The following PMP2 variants were observed in gnomAD, a reference collection of about 807,000 sequenced individuals.
The protein encoded by PMP2 is myelin P2 protein.
Under a neutral mutation model 15.9 loss-of-function variants are expected in PMP2, and 11 were observed. That is an observed-to-expected ratio of 0.69 (90% CI 0.44 to 1.14). The LOEUF is 1.14. PMP2 is among the 50% of genes most tolerant of loss of function. The probability of loss-of-function intolerance (pLI) is 0.00; values close to 1 mark genes in which losing one functional copy is unlikely to be tolerated. For synonymous variants in PMP2, 55 were observed against 54.1 expected, an observed-to-expected ratio of 1.02 and a Z score of -0.07; for missense variants, 151 against 154.0, an observed-to-expected ratio of 0.98 and a Z score of 0.10.
Position 81,443,133 on chromosome 8 carries a change from G to A in PMP2, c.*265C>T. 3.1e-6 allele frequency: 1 copy of A among 320,904 alleles called. No homozygotes were observed. Among genetic ancestry groups the A allele is most frequent in the Non-Finnish European group, 5.6e-6 (1 of 178,336 alleles). 19.9% of individuals were successfully genotyped at this position (320,904 alleles called of 1,614,324 possible). On this transcript the variant is annotated 3_prime_UTR_variant, in exon 4 of 4. Coordinates refer to ENST00000256103, the MANE Select transcript of PMP2 (RefSeq NM_002677.5). ...AGTATACAAAGTTCAACATAGATTAGAATTTTGTAGTTAATTGAATGACAT... is the reference window on the plus strand; with the variant it reads ...AGTATACAAAGTTCAACATAGATTAAAATTTTGTAGTTAATTGAATGACAT...
At chr8:81,443,897 A>T (rs1807398643) in intron 3 of PMP2, among the ~76,000 whole-genome samples, 1 of 152,144 alleles carries the variant, frequency 6.6e-6, no homozygotes, top group African/African-American at 2.4e-5. Context: ...AGAAAGAAAC[A>T]TTCGGAAGAG....
intron 3 of PMP2, among the ~76,000 whole-genome samples, chr8:81,443,789 G>A (rs1230876993): frequency 6.6e-6 from 1 of 152,052 alleles, no homozygotes; most frequent in Non-Finnish European, 1.5e-5. Context: ...CCTCCCCCAA[G>A]AGATTTACAT....
intron 2 of PMP2, 50 bp downstream of exon 2, chr8:81,444,767 C>T: frequency 6.5e-7 from 1 of 1,543,604 alleles, no homozygotes; most frequent in Non-Finnish European, 8.9e-7. Flanking sequence ...ATATTCCTCT[C>T]TCTCAAGCAG....
intron 3 of PMP2, among the ~76,000 whole-genome samples, chr8:81,443,981 C>A (rs918375127): frequency 9.2e-5 from 14 of 151,752 alleles, no homozygotes; most frequent in African/African-American, 3.4e-4. Context: ...AAAAAAAAAT[C>A]ATCAAAGGTC....
chr8:81,446,080 A>T, intron 1 of PMP2, among the ~76,000 whole-genome samples: 1 of 152,234 alleles, frequency 6.6e-6, no homozygotes, highest in East Asian at 1.9e-4. Context: ...AGTTAAAAAG[A>T]TCTCAAACTT....
At chr8:81,443,480 C>G in intron 3 of PMP2, 32 bp from the exon 4 acceptor site, 1 of 1,395,186 alleles carries the variant, frequency 7.2e-7, no homozygotes, top group Non-Finnish European at 9.9e-7. Flanking sequence ...TTGAGTATCT[C>G]AAGTTCAAAC....
rs1807390625 is a variant in PMP2, at chr8:81,443,421, T to C, written c.376A>G (p.Thr126Ala). The part of the protein sequence containing the change: ...AECKMKGVVC[T>A]RIYEKV ...TTTCAGACCTTCTCATAGATTCTGGTGCACACCACGCCCTTCATTTTACAT... is the reference window on the plus strand; with the variant it reads ...TTTCAGACCTTCTCATAGATTCTGGCGCACACCACGCCCTTCATTTTACAT... Residue 126 changes from threonine (T) to alanine (A), a missense_variant, in exon 4 of 4, where the codon ACC becomes GCC. Thr to Ala is a moderately conservative substitution (Grantham distance 58). Transcript: ENST00000256103. 1 of 1,603,108 alleles carries C rather than the reference T, an allele frequency of 6.2e-7. No homozygotes were observed. Among genetic ancestry groups the C allele is most frequent in the Non-Finnish European group, 8.5e-7 (1 of 1,174,258 alleles).
Position 81,440,948 on chromosome 8 carries a change from G to T in PMP2, c.*2450C>A, listed in dbSNP as rs1807318143. The stretch of plus-strand genomic sequence containing the variant: ...TGACTGTCTATATTCCAATTTGCCA[G>T]TTGACCTAACATTGTCCTTTGGAGC... On this transcript the variant is annotated 3_prime_UTR_variant, in exon 4 of 4. Transcript: ENST00000256103. 6.6e-6 allele frequency: 1 copy of T among 152,164 alleles called. No homozygotes were observed. Among genetic ancestry groups the T allele is most frequent in the South Asian group, 2.1e-4 (1 of 4,836 alleles). The allele number at this position is 152,164 out of a possible 1,614,324, so 9.4% of individuals were successfully genotyped here. A position where few individuals can be genotyped will look rare whatever the true frequency, so the allele number is the denominator to read the frequency against.
At position 81,444,696 on chromosome 8, in the gene PMP2, A is replaced by C. The variant is rs187549617; in HGVS notation, c.247-95T>G. 2.0e-4 allele frequency: 271 copies of C among 1,322,972 alleles called. No homozygotes were observed. The African/African-American group carries it at 3.8e-3, about 18-fold the overall frequency. The allele number at this position is 1,322,972 out of a possible 1,614,324, so 82.0% of individuals were successfully genotyped here. On this transcript the variant is annotated intron_variant, in intron 2 of 3. Transcript: ENST00000256103. ...GGAACCATTTTCATAATAGATATAG[A>C]TGTCTCAGGAGGTACACTCCTTTTC...
Position 81,441,233 on chromosome 8 carries a change from A to G in PMP2, c.*2165T>C, listed in dbSNP as rs1437792807. Reference sequence around the variant, plus strand: ...CCCTTTATTGGTGAGGTTAATTTTGATAACCTAGTCAAGAGGTTGTCCATT... The same window carrying G: ...CCCTTTATTGGTGAGGTTAATTTTGGTAACCTAGTCAAGAGGTTGTCCATT... On this transcript the variant is annotated 3_prime_UTR_variant, in exon 4 of 4. Transcript: ENST00000256103. The G allele has an allele frequency of 1.3e-5, 2 of 151,516 alleles. No homozygotes were observed. Among genetic ancestry groups the G allele is most frequent in the Non-Finnish European group, 2.9e-5 (2 of 67,908 alleles). 9.4% of individuals were successfully genotyped at this position (151,516 alleles called of 1,614,324 possible).
In PMP2 at chr8:81,447,412, T is replaced by C. The variant is rs1246630950; in HGVS notation, c.-26A>G. The C allele has an allele frequency of 6.3e-7, 1 of 1,586,776 alleles. No homozygotes were observed. The highest frequency in any genetic ancestry group is 1.1e-5 in the South Asian group (1 of 90,494). On this transcript the variant is annotated 5_prime_UTR_variant, in exon 1 of 4. Transcript: ENST00000256103. ...CGTGATGGGTGAGAGCTCAACACAG[T>C]TCTAAGTGGGATTCAGAAGACTCAG...
rs1807321931 is a variant in PMP2 at position 81,441,115 on chromosome 8, G to T, written c.*2283C>A. 6.6e-6 allele frequency: 1 copy of T among 151,942 alleles called. No individual in the cohort carries two copies. The highest frequency in any genetic ancestry group is 2.4e-5 in the African/African-American group (1 of 41,378). 9.4% of individuals were successfully genotyped at this position (151,942 alleles called of 1,614,324 possible). ...GACATTGACATTTTTGAAGAATTCA[G>T]TCAAAACCCCCTGTCGTTTCTGGTT... On this transcript the variant is annotated 3_prime_UTR_variant, in exon 4 of 4. Transcript: ENST00000256103.
In PMP2 at chr8:81,444,379, A is replaced by T. The variant is rs140862794; in HGVS notation, c.348+121T>A. Reference sequence around the variant, plus strand: ...AAATATCACTGAAGCATTAACTCTTACTTTATTCTTAGTCATTTTTATCCA... The same window carrying T: ...AAATATCACTGAAGCATTAACTCTTTCTTTATTCTTAGTCATTTTTATCCA... On this transcript the variant is annotated intron_variant, in intron 3 of 3. Coordinates refer to ENST00000256103, the MANE Select transcript of PMP2 (RefSeq NM_002677.5). The T allele has an allele frequency of 4.9e-4, 309 of 636,224 alleles. 2 individuals are homozygous for T. Among genetic ancestry groups the T allele is most frequent in the African/African-American group, 4.6e-3 (250 of 54,780 alleles). The allele number at this position is 636,224 out of a possible 1,614,324, so 39.4% of individuals were successfully genotyped here.
rs375558516 is a variant in PMP2, at chr8:81,444,906, G to C, written c.157C>G (p.Arg53Gly). 5 of 1,613,154 alleles carry C rather than the reference G, an allele frequency of 3.1e-6. No homozygotes were observed. The African/African-American group carries it at 4.0e-5, about 13-fold the overall frequency. ...GTATTTTTAAAGGTACTTTCAGTTC[G>C]TATAGTTATAATATCTCCTTTCTTG... ...ISKKGDIITI[R>G]TESTFKNTEI... is the part of the protein sequence containing the mutation. The change falls in exon 2 of 4, where the codon CGA (arginine) becomes GGA (glycine). Residue 53 changes from arginine (R) to glycine (G), a missense_variant. Physicochemically the swap from Arg to Gly is moderately radical, Grantham distance 125 (BLOSUM62 -2). Coordinates refer to ENST00000256103, the MANE Select transcript of PMP2 (RefSeq NM_002677.5).
At chr8:81,445,024 C>T (rs777143076) in intron 1 of PMP2, 35 bp from the exon 2 acceptor site, 2 of 1,585,710 alleles carry the variant, frequency 1.3e-6, no homozygotes, top group Admixed American at 3.4e-5. Context: ...TTATGTTGAC[C>T]AAGAGAGCAT....
rs1807305895 is a variant in PMP2, at chr8:81,440,447, G to A, written c.*2951C>T. On this transcript the variant is annotated 3_prime_UTR_variant, in exon 4 of 4. Coordinates refer to ENST00000256103, the MANE Select transcript of PMP2 (RefSeq NM_002677.5). The stretch of plus-strand genomic sequence containing the variant: ...CTCGTATTTTGTGAGTTGGAGCCTG[G>A]CAACAAAACAACAATAACAACAAAC... 6.6e-6 allele frequency: 1 copy of A among 152,010 alleles called. No homozygotes were observed. Among genetic ancestry groups the A allele is most frequent in the African/African-American group, 2.4e-5 (1 of 41,370 alleles). The allele number at this position is 152,010 out of a possible 1,614,324, so 9.4% of individuals were successfully genotyped here.
chr8:81,447,076 C>T (rs1341376737), intron 1 of PMP2, among the ~76,000 whole-genome samples: 12 of 152,170 alleles, frequency 7.9e-5, no homozygotes, highest in Admixed American at 7.9e-4. Context: ...CCCTTGAAAT[C>T]AGTGGGCATT....
chr8:81,445,589 A>G (rs537533338), intron 1 of PMP2, among the ~76,000 whole-genome samples: 64 of 152,308 alleles, frequency 4.2e-4, no homozygotes, highest in African/African-American at 1.4e-3. Context: ...ATCCATTTTT[A>G]TCACATCCAA....
At position 81,443,294 on chromosome 8, in the gene PMP2, C is replaced by G; in HGVS notation, c.*104G>C. ...CCTTTGCATATCTGATATATTAAGA[C>G]AAAAGCAAAAACAAATATTTGCAGT... On this transcript the variant is annotated 3_prime_UTR_variant, in exon 4 of 4. Coordinates refer to ENST00000256103, the MANE Select transcript of PMP2 (RefSeq NM_002677.5). 1 of 768,484 alleles carries G rather than the reference C, an allele frequency of 1.3e-6. No individual in the cohort carries two copies. Among genetic ancestry groups the G allele is most frequent in the South Asian group, 1.8e-5 (1 of 55,210 alleles). 47.6% of individuals were successfully genotyped at this position (768,484 alleles called of 1,614,324 possible). A position where few individuals can be genotyped will look rare whatever the true frequency, so the allele number is the denominator to read the frequency against.
Sources: allele counts gnomAD v4.1 joint callset (sites outside exome capture counted in the v4.1 genomes callset), GRCh38; gene constraint gnomAD v4.1.1; transcripts MANE v1.5; gene names NCBI Gene and HGNC (gene_info 2026-07-23, HGNC 2026-07-21).